BANK1: variants seen among roughly 807,000 people sequenced by gnomAD.
The protein encoded by BANK1 is B cell scaffold protein with ankyrin repeats 1.
A neutral mutation model predicts 94.5 loss-of-function variants in BANK1; 95 were observed. The observed-to-expected ratio is 1.00, with a 90% confidence interval of 0.85 to 1.19. The LOEUF is 1.19. Ranked by LOEUF, BANK1 falls within the 50% of genes most tolerant of loss-of-function variation. The probability of loss-of-function intolerance (pLI) is 0.00; values close to 1 mark genes in which losing one functional copy is unlikely to be tolerated. For synonymous variants in BANK1, 334 were observed against 308.4 expected, an observed-to-expected ratio of 1.08 and a Z score of -0.87; for missense variants, 987 against 932.2, an observed-to-expected ratio of 1.06 and a Z score of -0.77.
At chr4:101,799,917 T>C (rs1725298163) in intron 1 of BANK1, among the ~76,000 whole-genome samples, 1 of 151,968 alleles carries the variant, frequency 6.6e-6, no homozygotes, top group African/African-American at 2.4e-5. Context: ...AGGAAAATGT[T>C]GCACGTATAC....
At chr4:101,858,528 C>T (rs1727761513) in intron 3 of BANK1, among the ~76,000 whole-genome samples, 1 of 152,036 alleles carries the variant, frequency 6.6e-6, no homozygotes. Context: ...ATCATTTTCC[C>T]TTCCTTTTGG....
chr4:102,022,615 G>A lies in BANK1; in HGVS notation c.1285+1023G>A, dbSNP rs892312680. Among the ~76,000 whole-genome samples the A allele has an allele frequency of 3.3e-5, 5 of 152,158 alleles. No individual in the cohort carries two copies. The South Asian group carries it at 1.0e-3, about 32-fold the overall frequency. On this transcript the variant is annotated intron_variant, in intron 8 of 16. Transcript: ENST00000322953. ...GGAGGATTGCTACTGGTATTTATTGGGTAGAGATAGAAGGACTGCTGCTAA... is the reference window on the plus strand; with the variant it reads ...GGAGGATTGCTACTGGTATTTATTGAGTAGAGATAGAAGGACTGCTGCTAA...
chr4:101,826,832 G>A (rs1463231363), intron 1 of BANK1, among the ~76,000 whole-genome samples: 1 of 151,956 alleles, frequency 6.6e-6, no homozygotes, highest in Non-Finnish European at 1.5e-5. Context: ...GCTTGGCATT[G>A]TGTAGGAATT....
Position 101,790,812 on chromosome 4 carries a change from C to G in BANK1, c.-69C>G. Reference sequence around the variant, plus strand: ...AGGAAGAGAAAATCGCGGGGAGTCTCTGGCCGGGAGAGTCCAGGTAGCGCT... The same window carrying G: ...AGGAAGAGAAAATCGCGGGGAGTCTGTGGCCGGGAGAGTCCAGGTAGCGCT... On this transcript the variant is annotated 5_prime_UTR_variant, in exon 1 of 17. Transcript: ENST00000322953. 6.8e-7 allele frequency: 1 copy of G among 1,472,492 alleles called. No homozygotes were observed. The highest frequency in any genetic ancestry group is 9.2e-7 in the Non-Finnish European group (1 of 1,089,394). 91.2% of individuals were successfully genotyped at this position (1,472,492 alleles called of 1,614,324 possible). A position where few individuals can be genotyped will look rare whatever the true frequency, so the allele number is the denominator to read the frequency against.
Position 101,910,338 on chromosome 4 carries a change from A to G in BANK1, c.1010-7655A>G, listed in dbSNP as rs28477304. ...CATAACTAAAATTGACATATATCAA[A>G]TTAAAGTCAAGATAGATTTTTTATT... On this transcript the variant is annotated intron_variant, in intron 6 of 16. Coordinates refer to ENST00000322953, the MANE Select transcript of BANK1 (RefSeq NM_017935.5). 6.5e-3 allele frequency among the ~76,000 whole-genome samples: 994 copies of G among 152,314 alleles called. 11 individuals carry two copies. Among genetic ancestry groups the G allele is most frequent in the African/African-American group, 0.022 (920 of 41,562 alleles).
intron 2 of BANK1, among the ~76,000 whole-genome samples, chr4:101,832,497 ATTAAC>A (rs1197946338): frequency 2.6e-5 from 4 of 152,106 alleles, no homozygotes; most frequent in Non-Finnish European, 5.9e-5. Flanking sequence ...TTAATATCTA[ATTAAC>A]TTAGTTTGCA....
intron 7 of BANK1, among the ~76,000 whole-genome samples, chr4:101,957,844 CTTTT>C (rs776142689): frequency 1.1e-5 from 1 of 87,630 alleles, no homozygotes; most frequent in Non-Finnish European, 2.9e-5. Flanking sequence ...TTGTTTTTTG[CTTTT>C]TTTTTTTTTT....
At chr4:101,873,961 G>A (rs1404422512) in intron 5 of BANK1, among the ~76,000 whole-genome samples, 3 of 152,034 alleles carry the variant, frequency 2.0e-5, no homozygotes, top group South Asian at 2.1e-4. Flanking sequence ...AAATAACATC[G>A]AAAGGCTAAA....
At chr4:101,878,394 G>A (rs1451466502) in intron 5 of BANK1, among the ~76,000 whole-genome samples, 3 of 152,040 alleles carry the variant, frequency 2.0e-5, no homozygotes, top group Non-Finnish European at 4.4e-5. Context: ...GATTCAATTC[G>A]GTAACAGTAT....
intron 5 of BANK1, among the ~76,000 whole-genome samples, chr4:101,876,849 T>A (rs2148883680): frequency 6.6e-6 from 1 of 152,082 alleles, no homozygotes; most frequent in Non-Finnish European, 1.5e-5. Flanking sequence ...ATAAATAGAT[T>A]CAAATAATGA....
chr4:102,038,540 T>C (rs1276716973), intron 10 of BANK1, among the ~76,000 whole-genome samples: 2 of 152,088 alleles, frequency 1.3e-5, no homozygotes, highest in African/African-American at 4.8e-5. Flanking sequence ...CAAGCAATAG[T>C]TGTTCAATAC....
chr4:101,906,734 C>T (rs775936689), intron 6 of BANK1, among the ~76,000 whole-genome samples: 1 of 152,190 alleles, frequency 6.6e-6, no homozygotes, highest in Non-Finnish European at 1.5e-5. Context: ...CTGAGCTCCC[C>T]TTCTTACTCA....
chr4:101,829,743 G>T, intron 1 of BANK1, 65 bp from the exon 2 acceptor site: 6 of 1,139,156 alleles, frequency 5.3e-6, no homozygotes, highest in South Asian at 2.0e-5. Context: ...TAAAATTTTT[G>T]AGAAATAATA....
intron 3 of BANK1, among the ~76,000 whole-genome samples, chr4:101,860,172 T>G (rs1263849356): frequency 6.6e-6 from 1 of 152,186 alleles, no homozygotes; most frequent in Non-Finnish European, 1.5e-5. Context: ...CTGCCTAGTT[T>G]ACGGTGCAAA....
intron 3 of BANK1, among the ~76,000 whole-genome samples, chr4:101,861,257 A>G (rs971297515): frequency 6.6e-6 from 1 of 152,226 alleles, no homozygotes; most frequent in Admixed American, 6.5e-5. Flanking sequence ...GTGAGCTGAA[A>G]TGATTCTATA....
chr4:102,064,882 C>T (rs1728539723), intron 13 of BANK1, among the ~76,000 whole-genome samples: 1 of 152,174 alleles, frequency 6.6e-6, no homozygotes, highest in South Asian at 2.1e-4. Flanking sequence ...AGACAGAGAT[C>T]TTAGTTCAGG....
intron 10 of BANK1, among the ~76,000 whole-genome samples, chr4:102,031,783 T>C (rs557540960): frequency 1.4e-4 from 22 of 152,308 alleles, no homozygotes; most frequent in African/African-American, 5.3e-4. Flanking sequence ...TACTCATATA[T>C]ACTTAATATT....
intron 1 of BANK1, among the ~76,000 whole-genome samples, chr4:101,802,487 A>G (rs536318785): frequency 6.6e-6 from 1 of 152,206 alleles, no homozygotes; most frequent in Non-Finnish European, 1.5e-5. Flanking sequence ...TAATTATGGA[A>G]AGAAAACGGG....
intron 6 of BANK1, among the ~76,000 whole-genome samples, chr4:101,904,428 C>T (rs531969403): frequency 2.0e-5 from 3 of 152,330 alleles, no homozygotes; most frequent in Admixed American, 1.3e-4. Flanking sequence ...TCCAGTTTCT[C>T]TTTACTTAGT....
Sources: gnomAD v4.1 joint callset for allele counts (sites outside exome capture counted in the v4.1 genomes callset) on GRCh38, gnomAD v4.1.1 for gene constraint, MANE v1.5 for transcripts, NCBI Gene and HGNC (gene_info 2026-07-23, HGNC 2026-07-21) for gene names.